The following PROCA1 variants were observed in gnomAD, a reference collection of about 807,000 sequenced individuals.
PROCA1 encodes the protein protein PROCA1.
Under a neutral mutation model 23.2 loss-of-function variants are expected in PROCA1, and 22 were observed. That is an observed-to-expected ratio of 0.95 (90% CI 0.68 to 1.35). The LOEUF (loss-of-function observed/expected upper bound fraction) is 1.35. Among genes scored for constraint, PROCA1 ranks in the 40% most tolerant of loss-of-function variants. The probability of loss-of-function intolerance (pLI) is 0.00; values close to 1 mark genes in which losing one functional copy is unlikely to be tolerated. For synonymous variants in PROCA1, 182 were observed against 179.2 expected (o/e 1.02, Z -0.12); for missense variants, 469 against 459.8 (o/e 1.02, Z -0.18).
chr17:28,710,978 T>TGCGAAGGGAGGGAAGGAGTAGGGC, intron 1 of PROCA1: 1 of 312,614 alleles, frequency 3.2e-6, no homozygotes, highest in Non-Finnish European at 4.4e-6. Flanking sequence ...AGGAGTAGGG[T>TGCGAAGGGAGGGAAGGAGTAGGGC]GGGAAGGGAG....
At chr17:28,706,966 A>T (rs1488480541) in intron 1 of PROCA1, 1 of 241,746 alleles carries the variant, frequency 4.1e-6, no homozygotes. Flanking sequence ...GGGGGAGGGG[A>T]GAGGGACACG....
chr17:28,705,037 T>TA (rs2032396909), intron 2 of PROCA1, 194 bp from the exon 3 acceptor site: 1 of 580,282 alleles, frequency 1.7e-6, no homozygotes, highest in East Asian at 3.0e-5. Flanking sequence ...CCATGTCTGA[T>TA]ACACAGGAGA....
chr17:28,711,288 C>G (rs1172013659), intron 1 of PROCA1: 1 of 590,698 alleles, frequency 1.7e-6, no homozygotes, highest in African/African-American at 1.9e-5. Context: ...GATAGCCGAG[C>G]GTTCCAGCTC....
chr17:28,704,758 G>A lies in PROCA1; in HGVS notation c.261C>T (p.Val87=). Residue 87 remains valine, a synonymous_variant, in exon 3 of 5, where the codon GTC becomes GTT. Transcript: ENST00000682792. The part of the protein sequence containing the change: ...HIIYPFASDC[V]RHSLHLHSVN... ...CAGAGTGTAGGTGCAGGCTGTGGCG[G>A]ACACAGTCAGAGGCGAAAGGGTAGA... The A allele has an allele frequency of 6.2e-7, 1 of 1,614,076 alleles. No individual in the cohort carries two copies. Among genetic ancestry groups the A allele is most frequent in the African/African-American group, 1.3e-5 (1 of 75,032 alleles).
Position 28,703,348 on chromosome 17 carries a change from GGAAGAAATAGGGCTGTGC to G in PROCA1, c.*192_*209del. On this transcript the variant is annotated 3_prime_UTR_variant, in exon 5 of 5. Coordinates refer to ENST00000682792, the MANE Select transcript of PROCA1 (RefSeq NM_001366301.1). ...CTCTTCCACCTTGTCCTAGCAGGTAGGAAGAAATAGGGCTGTGCCCCTTCCTTTCCCTCCCACCTGCCT... is the reference window on the plus strand; with the variant it reads ...CTCTTCCACCTTGTCCTAGCAGGTAGCCCTTCCTTTCCCTCCCACCTGCCT... The G allele has an allele frequency of 1.7e-6, 1 of 589,038 alleles. No homozygotes were observed. Among genetic ancestry groups the G allele is most frequent in the East Asian group, 2.8e-5 (1 of 35,140 alleles). The allele number at this position is 589,038 out of a possible 1,614,324, so 36.5% of individuals were successfully genotyped here.
At position 28,704,154 on chromosome 17, in the gene PROCA1, A is replaced by C. The variant is rs768338852; in HGVS notation, c.499T>G (p.Cys167Gly). Residue 167 changes from cysteine (C) to glycine (G), a missense_variant, in exon 5 of 5, where the codon TGT (cysteine) becomes GGT (glycine). Transcript: ENST00000682792. ...AVIHHPLYHECGADDLNEEEE... is the reference protein window; with the variant it reads ...AVIHHPLYHEGGADDLNEEEE... ...TCTTCATTTAGATCATCTGCCCCAC[A>C]CTCATGGTAGAGTGGATGGTGGATC... The C allele has an allele frequency of 1.9e-6, 3 of 1,549,738 alleles. No homozygotes were observed. Among genetic ancestry groups the C allele is most frequent in the East Asian group, 4.5e-5 (2 of 44,494 alleles).
chr17:28,706,875 T>A, intron 1 of PROCA1, 112 bp from the exon 2 acceptor site: 1 of 935,584 alleles, frequency 1.1e-6, no homozygotes, highest in Non-Finnish European at 1.4e-6. Flanking sequence ...ATCCTGGAGA[T>A]GCAGAGATTA....
At chr17:28,706,471 G>A in intron 2 of PROCA1, 1 of 274,878 alleles carries the variant, frequency 3.6e-6, no homozygotes, top group South Asian at 3.4e-5. Context: ...ATACTTATGT[G>A]CCATAAAGTT....
intron 1 of PROCA1, among the ~76,000 whole-genome samples, chr17:28,709,146 C>A (rs554617322): frequency 1.3e-5 from 2 of 152,360 alleles, no homozygotes; most frequent in East Asian, 3.9e-4. Flanking sequence ...CTTCCTGGTT[C>A]CATAGCCTAT....
chr17:28,704,722 G>T lies in PROCA1; in HGVS notation c.297C>A (p.Cys99Ter), dbSNP rs886969657. ...HSLHLHSVNH[C>*]NCNSRLKDSS... ...CGGGCCCTCACCTAGAATTACAGTT[G>T]CAGTGGTTGACAGAGTGTAGGTGCA... The change falls in exon 3 of 5, where the codon TGC becomes TGA. Residue 99 changes from cysteine to a stop codon, truncating the protein, a stop_gained. Coordinates refer to ENST00000682792, the MANE Select transcript of PROCA1 (RefSeq NM_001366301.1). LOFTEE classifies it high-confidence loss of function. 1.2e-6 allele frequency: 2 copies of T among 1,614,140 alleles called. No individual in the cohort carries two copies. Among genetic ancestry groups the T allele is most frequent in the Non-Finnish European group, 1.7e-6 (2 of 1,179,990 alleles).
At chr17:28,704,519 G>T in intron 3 of PROCA1, 84 bp from the exon 4 acceptor site, 1 of 1,555,340 alleles carries the variant, frequency 6.4e-7, no homozygotes. Flanking sequence ...GTGGGCTTCC[G>T]CTGGGCCTGC....
At chr17:28,711,228 C>G (rs1240081748) in intron 1 of PROCA1, 1 of 1,027,894 alleles carries the variant, frequency 9.7e-7, no homozygotes, top group African/African-American at 1.6e-5. Flanking sequence ...GGGCTCCAGC[C>G]AAGGCCGGCG....
rs377691154 is a variant in PROCA1, at chr17:28,711,844, G to A, written c.-184C>T. The A allele has an allele frequency of 2.2e-5, 12 of 538,852 alleles. No individual in the cohort carries two copies. In the South Asian group the frequency reaches 3.0e-4, roughly 13 times the overall value. The allele number at this position is 538,852 out of a possible 1,614,324, so 33.4% of individuals were successfully genotyped here. The stretch of plus-strand genomic sequence containing the variant: ...CCTCCCCAGCCCGGCTCCAGGCTGC[G>A]TAGTCTTCCCAGCTGGGTCTCAGCG... On this transcript the variant is annotated 5_prime_UTR_variant, in exon 1 of 5. The change creates a new upstream start codon in the 5' untranslated region. Transcript: ENST00000682792.
chr17:28,711,090 C>T (rs2032758975), intron 1 of PROCA1: 1 of 1,181,928 alleles, frequency 8.5e-7, no homozygotes, highest in Non-Finnish European at 1.1e-6. Flanking sequence ...TTGGAAATGC[C>T]TCTCTGGCCT....
chr17:28,703,312 C>T lies in PROCA1; in HGVS notation c.*246G>A. On this transcript the variant is annotated 3_prime_UTR_variant, in exon 5 of 5. Coordinates refer to ENST00000682792, the MANE Select transcript of PROCA1 (RefSeq NM_001366301.1). ...CAGAGAGGGGAAGCCCTCCTTCCCA[C>T]CCCAGATACACTCTTCCACCTTGTC... 1.9e-6 allele frequency: 1 copy of T among 527,200 alleles called. No individual in the cohort carries two copies. The highest frequency in any genetic ancestry group is 3.3e-6 in the Non-Finnish European group (1 of 298,556). 32.7% of individuals were successfully genotyped at this position (527,200 alleles called of 1,614,324 possible). A position where few individuals can be genotyped will look rare whatever the true frequency, so the allele number is the denominator to read the frequency against.
Position 28,704,446 on chromosome 17 carries a change from T to C in PROCA1, c.312-11A>G. The C allele has an allele frequency of 6.2e-7, 1 of 1,608,194 alleles. No homozygotes were observed. Among genetic ancestry groups the C allele is most frequent in the Non-Finnish European group, 8.5e-7 (1 of 1,176,976 alleles). On this transcript the variant is annotated splice_polypyrimidine_tract_variant and intron_variant, in intron 3 of 4. Transcript: ENST00000682792. ...GAAGAGTCCTTCAGCCTGCCACACA[T>C]GGGACTCTCAGCCTGGCTCCCATCA...
At chr17:28,709,771 CG>C (rs2032693641) in intron 1 of PROCA1, among the ~76,000 whole-genome samples, 1 of 151,698 alleles carries the variant, frequency 6.6e-6, no homozygotes, top group Non-Finnish European at 1.5e-5. Flanking sequence ...CCGAGGTGGG[CG>C]GATCACTTGA....
At chr17:28,709,510 C>T (rs1006891249) in intron 1 of PROCA1, among the ~76,000 whole-genome samples, 4 of 151,974 alleles carry the variant, frequency 2.6e-5, no homozygotes, top group African/African-American at 4.8e-5. Context: ...CCGCCTCAGC[C>T]TCCCAAAGTG....
Position 28,704,199 on chromosome 17 carries a change from T to C in PROCA1, c.454A>G (p.Arg152Gly). The C allele has an allele frequency of 6.5e-7, 1 of 1,549,270 alleles. No individual in the cohort carries two copies. Among genetic ancestry groups the C allele is most frequent in the Non-Finnish European group, 8.7e-7 (1 of 1,150,162 alleles). The change falls in exon 5 of 5, where the codon AGA becomes GGA. Residue 152 changes from arginine (R) to glycine (G), a missense_variant. Coordinates refer to ENST00000682792, the MANE Select transcript of PROCA1 (RefSeq NM_001366301.1). ...RFRYGWCKSY[R>G]PVSVAVIHHP... ...TGGATCACTGCCACAGAGACAGGTCTGTAGCTTTTGCACCTGGGAGAAGGG... is the reference window on the plus strand; with the variant it reads ...TGGATCACTGCCACAGAGACAGGTCCGTAGCTTTTGCACCTGGGAGAAGGG...
Sources: gnomAD v4.1 joint callset for allele counts (sites outside exome capture counted in the v4.1 genomes callset) on GRCh38, gnomAD v4.1.1 for gene constraint, MANE v1.5 for transcripts, NCBI Gene and HGNC (gene_info 2026-07-23, HGNC 2026-07-21) for gene names.